The following SUGCT variants were observed in gnomAD, a reference collection of about 807,000 sequenced individuals.
SUGCT encodes succinyl-CoA:glutarate-CoA transferase, also known as succinyl-CoA:glutarate CoA-transferase.
Under a neutral mutation model 55.0 loss-of-function variants are expected in SUGCT, and 41 were observed. The observed-to-expected ratio is 0.74, with a 90% confidence interval of 0.58 to 0.97. The LOEUF is 0.97. Among genes scored for constraint, SUGCT ranks in the 50% least tolerant of loss-of-function variants. SUGCT has a pLI of 0.00. For missense variants in SUGCT, 568 were observed against 547.8 expected (o/e 1.04, Z -0.37); for synonymous variants, 187 against 200.4 (o/e 0.93, Z 0.56).
At chr7:40,240,241 T>C (rs948545059) in intron 7 of SUGCT, among the ~76,000 whole-genome samples, 23 of 152,074 alleles carry the variant, frequency 1.5e-4, no homozygotes, top group Non-Finnish European at 4.4e-5. Context: ...CCCAGCACTT[T>C]GGGAGGCCAA....
intron 11 of SUGCT, among the ~76,000 whole-genome samples, chr7:40,474,415 G>T (rs1324586051): frequency 1.3e-5 from 2 of 152,116 alleles, no homozygotes; most frequent in Non-Finnish European, 2.9e-5. Flanking sequence ...TACATACTTT[G>T]GAATCATGTA....
intron 6 of SUGCT, among the ~76,000 whole-genome samples, chr7:40,198,705 T>C (rs7779560): frequency 0.47 from 67,774 of 143,434 alleles, 15,490 homozygotes; most frequent in Middle Eastern, 0.62. Context: ...CTACTAAAAA[T>C]ACAAAAATTA....
At chr7:41,010,883 G>T in the SUGCT span, among the ~76,000 whole-genome samples, 1 of 152,202 alleles carries the variant, frequency 6.6e-6, no homozygotes, top group Non-Finnish European at 1.5e-5. Flanking sequence ...GACCTGGAAC[G>T]AAATTAATCC....
chr7:40,260,708 A>C (rs539500172), intron 7 of SUGCT, among the ~76,000 whole-genome samples: 1 of 152,190 alleles, frequency 6.6e-6, no homozygotes, highest in East Asian at 1.9e-4. Context: ...CTGGAGTGCA[A>C]TGGAGTGATC....
intron 1 of SUGCT, among the ~76,000 whole-genome samples, chr7:40,139,216 G>C (rs1281444532): frequency 6.6e-6 from 1 of 151,872 alleles, no homozygotes; most frequent in Non-Finnish European, 1.5e-5. Flanking sequence ...ATTTAATTTT[G>C]TGACAAAGTC....
chr7:40,229,926 C>T (rs1407683039), intron 6 of SUGCT, among the ~76,000 whole-genome samples: 1 of 151,640 alleles, frequency 6.6e-6, no homozygotes, highest in East Asian at 1.9e-4. Flanking sequence ...TATGTATGTA[C>T]ATTTTGAAGA....
intron 12 of SUGCT, among the ~76,000 whole-genome samples, chr7:40,646,013 GT>G (rs1329698101): frequency 2.0e-5 from 3 of 152,144 alleles, no homozygotes; most frequent in Non-Finnish European, 4.4e-5. Context: ...CTGAACTCTA[GT>G]CCCCCTTTTC....
chr7:40,916,679 A>G, the SUGCT span, among the ~76,000 whole-genome samples: 1 of 152,222 alleles, frequency 6.6e-6, no homozygotes, highest in Non-Finnish European at 1.5e-5. Flanking sequence ...CAATTACTTA[A>G]AAAACAACTT....
intron 12 of SUGCT, among the ~76,000 whole-genome samples, chr7:40,606,399 A>T (rs2151762613): frequency 6.6e-6 from 1 of 152,308 alleles, no homozygotes; most frequent in South Asian, 2.1e-4. Context: ...TACCCACTAC[A>T]CAGATGGAAA....
chr7:40,891,191 A>G, the SUGCT span, among the ~76,000 whole-genome samples: 1 of 152,194 alleles, frequency 6.6e-6, no homozygotes, highest in African/African-American at 2.4e-5. Flanking sequence ...TATAAGCATT[A>G]TGGGAGTTCT....
At chr7:40,726,147 C>T (rs948643826) in intron 12 of SUGCT, among the ~76,000 whole-genome samples, 5 of 152,186 alleles carry the variant, frequency 3.3e-5, no homozygotes, top group African/African-American at 1.2e-4. Context: ...TACGCAGGAA[C>T]GGTGTCAGGA....
intron 12 of SUGCT, among the ~76,000 whole-genome samples, chr7:40,723,591 A>G (rs1307671083): frequency 6.6e-6 from 1 of 152,232 alleles, no homozygotes; most frequent in Non-Finnish European, 1.5e-5. Context: ...CTTAACTGGA[A>G]CAGCTTCTGC....
intron 11 of SUGCT, among the ~76,000 whole-genome samples, chr7:40,487,796 A>C (rs1791462880): frequency 6.6e-6 from 1 of 151,888 alleles, no homozygotes; most frequent in African/African-American, 2.4e-5. Context: ...TTTGCATTAA[A>C]GCCTATTTTT....
At chr7:40,986,514 C>T in the SUGCT span, among the ~76,000 whole-genome samples, 38 of 152,148 alleles carry the variant, frequency 2.5e-4, no homozygotes, top group Middle Eastern at 3.4e-3. Flanking sequence ...TATGTGACTC[C>T]GATAATATTT....
intron 12 of SUGCT, among the ~76,000 whole-genome samples, chr7:40,576,395 GA>G (rs1796761129): frequency 6.6e-6 from 1 of 152,196 alleles, no homozygotes; most frequent in Admixed American, 6.5e-5. Context: ...CTCACCAGAG[GA>G]AAATGTTTCT....
intron 12 of SUGCT, among the ~76,000 whole-genome samples, chr7:40,657,813 C>T (rs1313177189): frequency 4.6e-5 from 7 of 152,198 alleles, no homozygotes; most frequent in Non-Finnish European, 7.3e-5. Flanking sequence ...GAATTACAGG[C>T]CTGAGCCACT....
chr7:40,272,089 C>CTA (rs1194916751), intron 7 of SUGCT, among the ~76,000 whole-genome samples: 49 of 102,600 alleles, frequency 4.8e-4, no homozygotes, highest in South Asian at 1.1e-3. Context: ...CTCTCTCTCT[C>CTA]TCTCTCTATA....
chr7:40,765,363 C>CA (rs899043812), intron 13 of SUGCT, among the ~76,000 whole-genome samples: 33 of 149,832 alleles, frequency 2.2e-4, no homozygotes, highest in South Asian at 4.2e-4. Context: ...ACTAAATAAA[C>CA]AAAAAAAATG....
chr7:40,587,439 T>C (rs1360282690), intron 12 of SUGCT, among the ~76,000 whole-genome samples: 1 of 152,242 alleles, frequency 6.6e-6, no homozygotes, highest in Non-Finnish European at 1.5e-5. Flanking sequence ...CATGTCTTCA[T>C]ATTTATGATA....
Sources: allele counts gnomAD v4.1 joint callset (sites outside exome capture counted in the v4.1 genomes callset), GRCh38; gene constraint gnomAD v4.1.1; transcripts MANE v1.5; gene names NCBI Gene and HGNC (gene_info 2026-07-23, HGNC 2026-07-21).